Variants in SGO1 observed in about 807,000 individuals in gnomAD.
SGO1 encodes the protein shugoshin 1, also known as serologically defined breast cancer antigen NY-BR-85.
In SGO1, 39 loss-of-function variants were observed where a neutral mutation model predicts 50.5. The ratio of observed to expected loss-of-function variants is 0.77; its 90% CI spans 0.60 to 1.01. The LOEUF is 1.01. Ranked by LOEUF, SGO1 falls within the 50% of genes least tolerant of loss-of-function variation. SGO1 has a pLI of 0.00. For missense variants in SGO1, 638 were observed against 606.0 expected (o/e 1.05, Z -0.55); for synonymous variants, 191 against 205.1 (o/e 0.93, Z 0.59).
chr3:20,183,478 A>G lies in SGO1; in HGVS notation c.339+130T>C, dbSNP rs191253861. Reference sequence around the variant, plus strand: ...AATGCAATAGCTATGCTGGAGCACTAAAGAAGGATGTTTTAAACAATTCAT... The same window carrying G: ...AATGCAATAGCTATGCTGGAGCACTGAAGAAGGATGTTTTAAACAATTCAT... On this transcript the variant is annotated intron_variant, in intron 3 of 7. Coordinates refer to ENST00000412997, the MANE Select transcript of SGO1 (RefSeq NM_001199251.3). 130 of 774,848 alleles carry G rather than the reference A, an allele frequency of 1.7e-4. No homozygotes were observed. The African/African-American group carries it at 2.0e-3, about 12-fold the overall frequency. The allele number at this position is 774,848 out of a possible 1,614,324, so 48.0% of individuals were successfully genotyped here. A position where few individuals can be genotyped will look rare whatever the true frequency, so the allele number is the denominator to read the frequency against.
chr3:20,178,808 G>C lies in SGO1; in HGVS notation c.340-461C>G, dbSNP rs560566380. ...GTTGTGGCTGGAACATAGTCACTGA[G>C]AACAGTAGGAGATGTACATGCAGGG... On this transcript the variant is annotated intron_variant, in intron 3 of 7. Transcript: ENST00000412997. Among the ~76,000 whole-genome samples, 49 of 152,316 alleles carry C rather than the reference G, an allele frequency of 3.2e-4. 1 individual carries two copies. The South Asian group carries it at 9.7e-3, about 30-fold the overall frequency.
Position 20,170,700 on chromosome 3 carries a change from AC to A in SGO1, c.*3del. 1 of 1,574,178 alleles carries A rather than the reference AC, an allele frequency of 6.4e-7. No homozygotes were observed. The highest frequency in any genetic ancestry group is 8.6e-7 in the Non-Finnish European group (1 of 1,168,804). ...TTGAATTTAAACAATATCCAACAAA[AC>A]CTTCATTGTATTTGTTTCATACTTT... On this transcript the variant is annotated 3_prime_UTR_variant, in exon 8 of 8. Coordinates refer to ENST00000412997, the MANE Select transcript of SGO1 (RefSeq NM_001199251.3).
downstream of SGO1, among the ~76,000 whole-genome samples, chr3:20,164,584 T>C (rs894611377): frequency 6.6e-6 from 1 of 152,096 alleles, no homozygotes; most frequent in Non-Finnish European, 1.5e-5. Context: ...TTCTAGTCAG[T>C]GCAGTAAAGC....
At chr3:20,186,223 C>G (rs1284695269), upstream of SGO1, 1 of 152,464 alleles carries the variant, frequency 6.6e-6, no homozygotes, top group African/African-American at 2.4e-5. Context: ...TTCCGCCTCG[C>G]TCCTCCATTG....
In SGO1 at chr3:20,171,237, A is replaced by C. The variant is rs750631706; in HGVS notation, c.1283-5T>G. The stretch of plus-strand genomic sequence containing the variant: ...GCTGAGTTTCAGGTGGTGTAGCTAC[A>C]AAACAATTTTTACTGAATATGATTT... On this transcript the variant is annotated splice_polypyrimidine_tract_variant and splice_region_variant and intron_variant, in intron 6 of 7. Coordinates refer to ENST00000412997, the MANE Select transcript of SGO1 (RefSeq NM_001199251.3). The C allele has an allele frequency of 1.3e-6, 2 of 1,550,472 alleles. No homozygotes were observed. The highest frequency in any genetic ancestry group is 1.7e-6 in the Non-Finnish European group (2 of 1,157,608).
chr3:20,171,741 C>A (rs1333234859), intron 6 of SGO1, among the ~76,000 whole-genome samples: 1 of 152,136 alleles, frequency 6.6e-6, no homozygotes, highest in African/African-American at 2.4e-5. Flanking sequence ...TTCCTATAGT[C>A]TTATAAAGCC....
At chr3:20,169,256 CAG>C (rs1474116969), downstream of SGO1, 11 of 984,988 alleles carry the variant, frequency 1.1e-5, no homozygotes, top group African/African-American at 1.9e-4. Flanking sequence ...GGAGATTACA[CAG>C]AGATAAGTTG....
exon 9 of SGO1, chr3:20,161,030 A>C: frequency 6.3e-7 from 1 of 1,597,508 alleles, no homozygotes; most frequent in Non-Finnish European, 8.5e-7. Context: ...TAAAGCTAGA[A>C]TCTATTAAAG....
chr3:20,182,295 A>T (rs1261967462), intron 3 of SGO1, among the ~76,000 whole-genome samples: 1 of 151,986 alleles, frequency 6.6e-6, no homozygotes, highest in Non-Finnish European at 1.5e-5. Flanking sequence ...GTCAATGGAG[A>T]AGTGATGTTA....
chr3:20,163,721 G>C (rs1042734484), intron 8 of SGO1, among the ~76,000 whole-genome samples: 4 of 152,052 alleles, frequency 2.6e-5, no homozygotes, highest in African/African-American at 9.7e-5. Context: ...AATATTCTTG[G>C]GGCAAACGGG....
At chr3:20,178,393 C>A in intron 3 of SGO1, 46 bp from the exon 4 acceptor site, 1 of 1,338,486 alleles carries the variant, frequency 7.5e-7, no homozygotes, top group Non-Finnish European at 1.1e-6. Flanking sequence ...GAAGTATTCA[C>A]AAGAAAGCAT....
intron 3 of SGO1, among the ~76,000 whole-genome samples, chr3:20,182,688 C>T (rs2125381875): frequency 6.6e-6 from 1 of 152,254 alleles, no homozygotes; most frequent in Non-Finnish European, 1.5e-5. Flanking sequence ...CATATTTGAA[C>T]ACCTTCTTTA....
intron 7 of SGO1, 50 bp downstream of exon 7, chr3:20,170,993 C>A (rs528671680): frequency 6.6e-7 from 1 of 1,513,266 alleles, no homozygotes; most frequent in South Asian, 1.3e-5. Context: ...TAACCTTATT[C>A]CCCCCGACAT....
At chr3:20,179,314 A>G (rs1298485457) in intron 3 of SGO1, among the ~76,000 whole-genome samples, 1 of 152,116 alleles carries the variant, frequency 6.6e-6, no homozygotes, top group African/African-American at 2.4e-5. Context: ...GGCTGTGGGT[A>G]TATGTGTGTA....
intron 5 of SGO1, among the ~76,000 whole-genome samples, chr3:20,175,779 G>A (rs1218441118): frequency 2.0e-5 from 3 of 147,114 alleles, no homozygotes; most frequent in African/African-American, 7.6e-5. Context: ...AAGCCTGGGC[G>A]ACAGAGCAAG....
At chr3:20,163,376 A>G (rs1042205687) in intron 8 of SGO1, among the ~76,000 whole-genome samples, 12 of 152,176 alleles carry the variant, frequency 7.9e-5, no homozygotes, top group Non-Finnish European at 1.6e-4. Context: ...AGTTAGTTCT[A>G]ACAGAACTAA....
At chr3:20,185,481 T>C (rs1395253328) in intron 1 of SGO1, among the ~76,000 whole-genome samples, 1 of 152,128 alleles carries the variant, frequency 6.6e-6, no homozygotes, top group African/African-American at 2.4e-5. Flanking sequence ...ACGGTCTCAA[T>C]CTGTACAGTA....
Position 20,171,202 on chromosome 3 carries a change from TGAG to T in SGO1, c.1310_1312del (p.Pro437del), listed in dbSNP as rs762621649. ...ATTGGTGATATCCTTCAGGCTAAGA[TGAG>T]GTGACTGCTGAGTTTCAGGTGGTGT... On this transcript the variant is annotated inframe_deletion, in exon 7 of 8. Transcript: ENST00000412997. The T allele has an allele frequency of 1.2e-6, 2 of 1,603,300 alleles. No homozygotes were observed. Among genetic ancestry groups the T allele is most frequent in the Admixed American group, 3.5e-5 (2 of 57,216 alleles).
Position 20,172,268 on chromosome 3 carries a change from G to A in SGO1, c.1283-1036C>T, listed in dbSNP as rs561246607. Among the ~76,000 whole-genome samples the A allele has an allele frequency of 2.6e-5, 4 of 152,248 alleles. No individual in the cohort carries two copies. In the South Asian group the frequency reaches 6.2e-4, roughly 24 times the overall value. ...AGTAATCCCAGCACTTAGGGAGGCC[G>A]AGGTGGGCGGATCACCTGAGGTTGG... On this transcript the variant is annotated intron_variant, in intron 6 of 7. Transcript: ENST00000412997.
Sources: gnomAD v4.1 joint callset for allele counts (sites outside exome capture counted in the v4.1 genomes callset) on GRCh38, gnomAD v4.1.1 for gene constraint, MANE v1.5 for transcripts, NCBI Gene and HGNC (gene_info 2026-07-23, HGNC 2026-07-21) for gene names.